The following COMMD1 variants were observed in gnomAD, a reference collection of about 807,000 sequenced individuals.
COMMD1 encodes copper metabolism domain containing 1, also known as COMM domain-containing protein 1.
A neutral mutation model predicts 17.2 loss-of-function variants in COMMD1; 10 were observed. The ratio of observed to expected loss-of-function variants is 0.58; its 90% CI spans 0.36 to 0.99. The LOEUF (loss-of-function observed/expected upper bound fraction) is 0.99, where lower values mean the gene tolerates loss of function less well. Among genes scored for constraint, COMMD1 ranks in the 50% least tolerant of loss-of-function variants. The pLI is 0.01. For synonymous variants in COMMD1, 97 were observed against 91.6 expected (o/e 1.06, Z -0.34); for missense variants, 270 against 231.8 (o/e 1.17, Z -1.07).
intron 1 of COMMD1, among the ~76,000 whole-genome samples, chr2:61,936,342 C>G (rs898050607): frequency 6.6e-6 from 1 of 152,040 alleles, no homozygotes; most frequent in Non-Finnish European, 1.5e-5. Flanking sequence ...ATGAAGCATT[C>G]CAGCTTGTAG....
intron 2 of COMMD1, among the ~76,000 whole-genome samples, chr2:62,113,457 C>T (rs1672511008): frequency 6.6e-6 from 1 of 152,148 alleles, no homozygotes; most frequent in Non-Finnish European, 1.5e-5. Flanking sequence ...CACCCAGGCT[C>T]ACTGCAACCT....
At chr2:62,019,017 A>T (rs1669530849) in intron 2 of COMMD1, among the ~76,000 whole-genome samples, 2 of 134,244 alleles carry the variant, frequency 1.5e-5, no homozygotes, top group Admixed American at 7.2e-5. Flanking sequence ...CAACCAACCA[A>T]CCAACTTCCC....
At chr2:61,916,201 A>G (rs2105185898) in intron 1 of COMMD1, among the ~76,000 whole-genome samples, 1 of 152,264 alleles carries the variant, frequency 6.6e-6, no homozygotes, top group South Asian at 2.1e-4. Flanking sequence ...GACTCAAGTG[A>G]TCTTCCTGCC....
At chr2:61,938,623 C>G (rs1670661215) in intron 1 of COMMD1, among the ~76,000 whole-genome samples, 1 of 152,084 alleles carries the variant, frequency 6.6e-6, no homozygotes, top group African/African-American at 2.4e-5. Context: ...TGGAACTTGC[C>G]TTGGTCTCTT....
chr2:62,039,535 A>AG (rs889702220), intron 2 of COMMD1, among the ~76,000 whole-genome samples: 1 of 152,212 alleles, frequency 6.6e-6, no homozygotes, highest in Non-Finnish European at 1.5e-5. Context: ...CTTAAATATC[A>AG]GGGGGAGTAA....
chr2:62,115,856 CTTTCT>C (rs1414327729), intron 2 of COMMD1, among the ~76,000 whole-genome samples: 2 of 50,324 alleles, frequency 4.0e-5, no homozygotes, highest in South Asian at 4.4e-4. Context: ...TTCTTTCTTT[CTTTCT>C]TTTTTTTTTT....
At chr2:61,999,313 A>G (rs1246772266) in intron 1 of COMMD1, among the ~76,000 whole-genome samples, 1 of 152,230 alleles carries the variant, frequency 6.6e-6, no homozygotes, top group Non-Finnish European at 1.5e-5. Flanking sequence ...GGATGCTGGA[A>G]TAGAGAACCC....
chr2:62,049,198 CA>C (rs1263011104), intron 2 of COMMD1, among the ~76,000 whole-genome samples: 1 of 129,468 alleles, frequency 7.7e-6, no homozygotes, highest in Non-Finnish European at 1.6e-5. Context: ...ATATAATTAC[CA>C]GGAAAAAAAA....
intron 2 of COMMD1, among the ~76,000 whole-genome samples, chr2:62,060,132 C>A (rs143022650): frequency 6.6e-6 from 1 of 151,998 alleles, no homozygotes; most frequent in African/African-American, 2.4e-5. Flanking sequence ...AGTTCCAGAC[C>A]GGCTTAGGCA....
chr2:62,069,774 A>G (rs1324631269), intron 2 of COMMD1: 1 of 152,156 alleles, frequency 6.6e-6, no homozygotes, highest in Non-Finnish European at 1.5e-5. Flanking sequence ...AACATTTGGC[A>G]CTTCTTTTCC....
chr2:61,985,856 T>C (rs1672092851), intron 1 of COMMD1, among the ~76,000 whole-genome samples: 1 of 152,210 alleles, frequency 6.6e-6, no homozygotes, highest in African/African-American at 2.4e-5. Flanking sequence ...TAGTTATTGT[T>C]TTTGATCAGT....
At chr2:62,095,440 C>A (rs1200930565) in intron 2 of COMMD1, among the ~76,000 whole-genome samples, 1 of 152,002 alleles carries the variant, frequency 6.6e-6, no homozygotes, top group Non-Finnish European at 1.5e-5. Context: ...AGAGAGCATC[C>A]CGTACTTATT....
At chr2:61,890,674 C>G (rs1669407366) in intron 1 of COMMD1, among the ~76,000 whole-genome samples, 2 of 151,806 alleles carry the variant, frequency 1.3e-5, no homozygotes, top group Non-Finnish European at 2.9e-5. Context: ...AACCCCGTCT[C>G]TACTAAAAAT....
At chr2:62,012,310 C>CAT (rs1669303566) in intron 2 of COMMD1, among the ~76,000 whole-genome samples, 1 of 145,440 alleles carries the variant, frequency 6.9e-6, no homozygotes, top group Non-Finnish European at 1.5e-5. Flanking sequence ...CACACACACA[C>CAT]GTGACCTTTG....
intron 1 of COMMD1, among the ~76,000 whole-genome samples, chr2:61,981,808 C>T (rs775537227): frequency 2.0e-5 from 3 of 152,142 alleles, no homozygotes; most frequent in Non-Finnish European, 4.4e-5. Context: ...CAATTACCTG[C>T]CACTGGGTCC....
intron 2 of COMMD1, among the ~76,000 whole-genome samples, chr2:62,002,491 G>GAAAAAAAAA (rs11310507): frequency 2.3e-4 from 8 of 35,072 alleles, no homozygotes; most frequent in Non-Finnish European, 3.1e-4. Flanking sequence ...GATTCCACCA[G>GAAAAAAAAA]AAAAAAAAAA....
intron 2 of COMMD1, among the ~76,000 whole-genome samples, chr2:62,009,239 T>C (rs1669211374): frequency 6.6e-6 from 1 of 152,238 alleles, no homozygotes; most frequent in South Asian, 2.1e-4. Flanking sequence ...TCTAAAGTTA[T>C]GGTCTTCAAC....
At chr2:62,026,012 A>G (rs185849716) in intron 2 of COMMD1, among the ~76,000 whole-genome samples, 8 of 152,098 alleles carry the variant, frequency 5.3e-5, no homozygotes, top group South Asian at 2.1e-4. Context: ...CTGTTCTTCT[A>G]CCTACTTTGC....
chr2:61,992,179 A>G (rs1462804139), intron 1 of COMMD1, among the ~76,000 whole-genome samples: 1 of 152,194 alleles, frequency 6.6e-6, no homozygotes, highest in Non-Finnish European at 1.5e-5. Context: ...AATGTGTTGT[A>G]TTGGTAGGTA....
Sources: allele counts gnomAD v4.1 joint callset (sites outside exome capture counted in the v4.1 genomes callset), GRCh38; gene constraint gnomAD v4.1.1; transcripts MANE v1.5; gene names NCBI Gene and HGNC (gene_info 2026-07-23, HGNC 2026-07-21).